Variants in CRX observed in about 807,000 individuals in gnomAD.
The protein encoded by CRX is cone-rod homeobox.
Under a neutral mutation model 13.1 loss-of-function variants are expected in CRX, and 5 were observed. That is an observed-to-expected ratio of 0.38 (90% CI 0.20 to 0.80). The LOEUF (loss-of-function observed/expected upper bound fraction) is 0.80, where lower values mean the gene tolerates loss of function less well. Ranked by LOEUF, CRX falls within the 30% of genes least tolerant of loss-of-function variation. The pLI is 0.43. For missense variants in CRX, 351 were observed against 391.8 expected, an observed-to-expected ratio of 0.90 and a Z score of 0.88; for synonymous variants, 179 against 171.1, an observed-to-expected ratio of 1.05 and a Z score of -0.36.
chr19:47,827,659 G>T (rs531702611), intron 1 of CRX, among the ~76,000 whole-genome samples: 1 of 146,712 alleles, frequency 6.8e-6, no homozygotes, highest in African/African-American at 2.5e-5. Flanking sequence ...AAGTAGTTGG[G>T]ATTACAGGCA....
rs2123742912 is a variant in CRX at position 47,839,408 on chromosome 19, C to T, written c.341C>T (p.Ala114Val). ...CAGCCCCCAGGGGGCCAGGCCAAGGCCCGGCCTGCCAAGAGGAAGGCGGGC... is the reference window on the plus strand; with the variant it reads ...CAGCCCCCAGGGGGCCAGGCCAAGGTCCGGCCTGCCAAGAGGAAGGCGGGC... The part of the protein sequence containing the change: ...QQQPPGGQAK[A>V]RPAKRKAGTS... The change falls in exon 4 of 4, where the codon GCC becomes GTC. Residue 114 changes from alanine to valine, a missense_variant. Physicochemically the swap from Ala to Val is moderately conservative, Grantham distance 64. Transcript: ENST00000221996. The surrounding 1 kb of genome is among the most constrained non-coding windows in gnomAD (Gnocchi z 4.6). 1 of 1,613,774 alleles carries T rather than the reference C, an allele frequency of 6.2e-7. No individual in the cohort carries two copies. Among genetic ancestry groups the T allele is most frequent in the South Asian group, 1.1e-5 (1 of 91,078 alleles).
Position 47,840,074 on chromosome 19 carries a change from G to A in CRX, c.*107G>A, listed in dbSNP as rs974823739. On this transcript the variant is annotated 3_prime_UTR_variant, in exon 4 of 4. Transcript: ENST00000221996. ...GATGGCATTCCTGAGAAAGCAACCC[G>A]AACCAGCTGTCCTTCTGACAGCTCG... 26 of 1,349,422 alleles carry A rather than the reference G, an allele frequency of 1.9e-5. No homozygotes were observed. Among genetic ancestry groups the A allele is most frequent in the East Asian group, 1.2e-4 (5 of 41,918 alleles). 83.6% of individuals were successfully genotyped at this position (1,349,422 alleles called of 1,614,324 possible). A position where few individuals can be genotyped will look rare whatever the true frequency, so the allele number is the denominator to read the frequency against.
chr19:47,826,368 C>G (rs939964436), intron 1 of CRX, among the ~76,000 whole-genome samples: 1 of 152,188 alleles, frequency 6.6e-6, no homozygotes, highest in Non-Finnish European at 1.5e-5. Flanking sequence ...ATTTGGGAGG[C>G]TGAGGCAGGA....
At chr19:47,832,745 C>A (rs1194304414) in intron 1 of CRX, among the ~76,000 whole-genome samples, 1 of 152,126 alleles carries the variant, frequency 6.6e-6, no homozygotes, top group Admixed American at 6.6e-5. Flanking sequence ...CTTGGTCTCC[C>A]AAAGTGCTGG....
chr19:47,830,534 C>CT (rs1402894268), intron 1 of CRX, among the ~76,000 whole-genome samples: 2 of 152,162 alleles, frequency 1.3e-5, no homozygotes, highest in African/African-American at 4.8e-5. Context: ...AACCCCGACT[C>CT]TACTAAAAAT....
At chr19:47,835,620 G>GTTTTTTT (rs34872129) in intron 2 of CRX, among the ~76,000 whole-genome samples, 9 of 102,192 alleles carry the variant, frequency 8.8e-5, no homozygotes, top group African/African-American at 3.7e-4. Flanking sequence ...TTTAGCTCTT[G>GTTTTTTT]TTTTTTTTTT....
At chr19:47,828,731 G>A (rs1282996056) in intron 1 of CRX, among the ~76,000 whole-genome samples, 1 of 151,710 alleles carries the variant, frequency 6.6e-6, no homozygotes, top group Non-Finnish European at 1.5e-5. Flanking sequence ...TTTGGGGTGG[G>A]GGAGAGGCGT....
At chr19:47,827,536 G>GTT in intron 1 of CRX, among the ~76,000 whole-genome samples, 2 of 108,842 alleles carry the variant, frequency 1.8e-5, no homozygotes, top group African/African-American at 3.4e-5. Flanking sequence ...CTTTCTGAAG[G>GTT]CTTTTTTTTT....
At chr19:47,824,464 G>A (rs1317127813) in intron 1 of CRX, among the ~76,000 whole-genome samples, 1 of 152,228 alleles carries the variant, frequency 6.6e-6, no homozygotes, top group African/African-American at 2.4e-5. Context: ...TCTCTGTAAA[G>A]TGGGGATGAT....
chr19:47,832,105 G>GTTTTTTTGT (rs1968055088), intron 1 of CRX, among the ~76,000 whole-genome samples: 1 of 91,988 alleles, frequency 1.1e-5, no homozygotes, highest in Non-Finnish European at 2.1e-5. Context: ...GCAGCCTTAT[G>GTTTTTTTGT]TTTTTTTTTT....
In CRX at chr19:47,825,407, C is replaced by T. The variant is rs188268196; in HGVS notation, c.-36+3397C>T. ...TCCCAGAGTGCTGGGATTACAGGTA[C>T]GTGCCACCACGCCCAGCCCTCACTG... is the stretch of plus-strand genomic sequence containing the variant. On this transcript the variant is annotated intron_variant, in intron 1 of 3. Coordinates refer to ENST00000221996, the MANE Select transcript of CRX (RefSeq NM_000554.6). 3.3e-4 allele frequency among the ~76,000 whole-genome samples: 50 copies of T among 152,232 alleles called. No homozygotes were observed. The East Asian group carries it at 6.9e-3, about 21-fold the overall frequency.
At position 47,839,053 on chromosome 19, in the gene CRX, G is replaced by A. The variant is rs139837125; in HGVS notation, c.253-267G>A. 7.9e-5 allele frequency among the ~76,000 whole-genome samples: 12 copies of A among 152,222 alleles called. No homozygotes were observed. In the East Asian group the frequency reaches 2.3e-3, roughly 29 times the overall value. ...ATGTATGTGCGTATGGTGTATGCAT[G>A]TATAATTGTACGTGTGCATGTTTGC... On this transcript the variant is annotated intron_variant, in intron 3 of 3. Transcript: ENST00000221996. The surrounding 1 kb of genome is among the most constrained non-coding windows in gnomAD (Gnocchi z 4.6).
chr19:47,834,149 G>C (rs1192335433), intron 1 of CRX, among the ~76,000 whole-genome samples: 1 of 152,038 alleles, frequency 6.6e-6, no homozygotes, highest in Non-Finnish European at 1.5e-5. Context: ...ATTTTTAGAG[G>C]GTAGAGTAGG....
chr19:47,833,230 G>A (rs965448775), intron 1 of CRX, among the ~76,000 whole-genome samples: 1 of 147,858 alleles, frequency 6.8e-6, no homozygotes, highest in African/African-American at 2.5e-5. Flanking sequence ...GAGCCGCCTT[G>A]CTTAGCCCTT....
At chr19:47,837,457 G>A (rs1426205568) in intron 3 of CRX, among the ~76,000 whole-genome samples, 2 of 152,154 alleles carry the variant, frequency 1.3e-5, no homozygotes, top group African/African-American at 2.4e-5. Context: ...GTGAGCCACC[G>A]CGCCCGGCCG....
At chr19:47,832,658 G>A (rs1968067223) in intron 1 of CRX, among the ~76,000 whole-genome samples, 2 of 151,312 alleles carry the variant, frequency 1.3e-5, no homozygotes, top group Admixed American at 1.3e-4. Flanking sequence ...GCTAATTTTT[G>A]TATTTTTAGT....
chr19:47,840,080 G>A lies in CRX; in HGVS notation c.*113G>A, dbSNP rs1968176578. The A allele has an allele frequency of 7.7e-7, 1 of 1,298,754 alleles. No individual in the cohort carries two copies. 80.5% of individuals were successfully genotyped at this position (1,298,754 alleles called of 1,614,324 possible). A position where few individuals can be genotyped will look rare whatever the true frequency, so the allele number is the denominator to read the frequency against. ...ATTCCTGAGAAAGCAACCCGAACCA[G>A]CTGTCCTTCTGACAGCTCGGTGTTC... On this transcript the variant is annotated 3_prime_UTR_variant, in exon 4 of 4. Transcript: ENST00000221996.
In CRX at chr19:47,839,907, C is replaced by T; in HGVS notation, c.840C>T (p.Tyr280=). The change falls in exon 4 of 4, where the codon TAC becomes TAT. Residue 280 remains tyrosine, a synonymous_variant. Transcript: ENST00000221996. The surrounding 1 kb of genome is among the most constrained non-coding windows in gnomAD (Gnocchi z 4.6). ...KDPTGTWKFT[Y]NPMDPLDYKD... The stretch of plus-strand genomic sequence containing the variant: ...CCACGGGCACCTGGAAATTCACCTA[C>T]AATCCCATGGACCCTCTGGACTACA... The T allele has an allele frequency of 1.2e-6, 2 of 1,614,108 alleles. No individual in the cohort carries two copies. Among genetic ancestry groups the T allele is most frequent in the Non-Finnish European group, 1.7e-6 (2 of 1,180,026 alleles).
chr19:47,830,482 C>A (rs1968030352), intron 1 of CRX, among the ~76,000 whole-genome samples: 3 of 152,010 alleles, frequency 2.0e-5, no homozygotes, highest in South Asian at 2.1e-4. Flanking sequence ...GTGGGTGGAT[C>A]ACGAGGTCAA....
Sources: allele counts gnomAD v4.1 joint callset (sites outside exome capture counted in the v4.1 genomes callset), GRCh38; gene constraint gnomAD v4.1.1; non-coding constraint Gnocchi (gnomAD v3.1); transcripts MANE v1.5; gene names NCBI Gene and HGNC (gene_info 2026-07-23, HGNC 2026-07-21).